The following CHRM3 variants were observed in gnomAD, a reference collection of about 807,000 sequenced individuals.
The protein encoded by CHRM3 is muscarinic acetylcholine receptor M3.
In CHRM3, 11 loss-of-function variants were observed where a neutral mutation model predicts 41.8. The ratio of observed to expected loss-of-function variants is 0.26; its 90% CI spans 0.17 to 0.44. The LOEUF (loss-of-function observed/expected upper bound fraction) is 0.44, where lower values mean the gene tolerates loss of function less well. CHRM3 is among the 20% of genes least tolerant of loss of function. The probability of loss-of-function intolerance (pLI) is 1.00; values close to 1 mark genes in which losing one functional copy is unlikely to be tolerated. For missense variants in CHRM3, 571 were observed against 745.4 expected (o/e 0.77, Z 2.72); for synonymous variants, 297 against 301.4 (o/e 0.99, Z 0.15).
At chr1:239,709,386 AC>A in intron 5 of CHRM3, among the ~76,000 whole-genome samples, 1 of 152,298 alleles carries the variant, frequency 6.6e-6, no homozygotes, top group East Asian at 1.9e-4. Context: ...CATACTCTTG[AC>A]AATCACTCAT....
intron 5 of CHRM3, among the ~76,000 whole-genome samples, chr1:239,789,117 G>T (rs1205563628): frequency 6.6e-6 from 1 of 152,132 alleles, no homozygotes; most frequent in Non-Finnish European, 1.5e-5. Flanking sequence ...CACACTAAAG[G>T]TGTCTTCGTT....
At chr1:239,881,115 CTACAAAAAA>C (rs1274969589) in intron 6 of CHRM3, among the ~76,000 whole-genome samples, 4 of 151,650 alleles carry the variant, frequency 2.6e-5, no homozygotes, top group East Asian at 2.0e-4. Context: ...AACCCCGTCT[CTACAAAAAA>C]TACAAAAAAT....
At chr1:239,674,492 G>T (rs918710534) in intron 4 of CHRM3, among the ~76,000 whole-genome samples, 1 of 151,924 alleles carries the variant, frequency 6.6e-6, no homozygotes, top group Non-Finnish European at 1.5e-5. Flanking sequence ...GGGGGATCAC[G>T]AGGTCATGAG....
intron 2 of CHRM3, among the ~76,000 whole-genome samples, chr1:239,545,109 T>G (rs1299940375): frequency 6.6e-6 from 1 of 152,218 alleles, no homozygotes; most frequent in Non-Finnish European, 1.5e-5. Context: ...TTGGTTTTCT[T>G]ATTGATAAGC....
intron 1 of CHRM3, among the ~76,000 whole-genome samples, chr1:239,457,466 C>T (rs568259909): frequency 1.1e-4 from 17 of 152,260 alleles, no homozygotes; most frequent in Non-Finnish European, 1.9e-4. Context: ...AGAGCTCCAA[C>T]TATGTCCTTC....
chr1:239,676,666 G>A (rs1658032022), intron 4 of CHRM3, among the ~76,000 whole-genome samples: 1 of 152,162 alleles, frequency 6.6e-6, no homozygotes, highest in Admixed American at 6.5e-5. Context: ...CTACTCCAAG[G>A]CTGCACAAAT....
chr1:239,602,090 A>ACATACATATATACATATGTGTGTGTGTG (rs1553337602), intron 3 of CHRM3, among the ~76,000 whole-genome samples: 1 of 131,232 alleles, frequency 7.6e-6, no homozygotes, highest in Non-Finnish European at 1.5e-5. Flanking sequence ...ACATATATAC[A>ACATACATATATACATATGTGTGTGTGTG]TGTGTGTGTG....
intron 5 of CHRM3, among the ~76,000 whole-genome samples, chr1:239,804,321 T>C (rs1239729735): frequency 2.8e-5 from 4 of 142,726 alleles, no homozygotes; most frequent in African/African-American, 1.0e-4. Context: ...TCCCATTGTA[T>C]CCTCAAAGGT....
chr1:239,390,589 GC>G (rs1658941806), intron 1 of CHRM3, among the ~76,000 whole-genome samples: 2 of 150,228 alleles, frequency 1.3e-5, no homozygotes, highest in South Asian at 4.2e-4. Flanking sequence ...GGTATGAAAG[GC>G]TTCCCTCACT....
At chr1:239,627,643 G>A (rs1001750292) in intron 3 of CHRM3, among the ~76,000 whole-genome samples, 38 of 145,380 alleles carry the variant, frequency 2.6e-4, no homozygotes, top group Admixed American at 2.1e-3. Flanking sequence ...GCTGGTACCC[G>A]TTGTTCCTTT....
At chr1:239,571,598 G>C (rs891125570) in intron 3 of CHRM3, among the ~76,000 whole-genome samples, 2 of 152,098 alleles carry the variant, frequency 1.3e-5, no homozygotes, top group Non-Finnish European at 2.9e-5. Flanking sequence ...CCTTTTTCTG[G>C]GAGTAACATT....
At chr1:239,449,166 A>T (rs1053197426) in intron 1 of CHRM3, among the ~76,000 whole-genome samples, 6 of 152,212 alleles carry the variant, frequency 3.9e-5, no homozygotes, top group Non-Finnish European at 7.3e-5. Context: ...TTTACATTAC[A>T]GTAAGCTGTT....
chr1:239,809,192 T>C (rs1670913384), intron 5 of CHRM3, among the ~76,000 whole-genome samples: 1 of 151,722 alleles, frequency 6.6e-6, no homozygotes, highest in African/African-American at 2.4e-5. Flanking sequence ...GCTAGTTTTT[T>C]TGTATTTTTA....
Position 239,576,431 on chromosome 1 carries a change from C to T in CHRM3, c.-313+30682C>T, listed in dbSNP as rs190367220. Reference sequence around the variant, plus strand: ...GTATTAACTATTGAACAGTTTGGCTCATGAGTGAATATGAAATTTCAACAT... The same window carrying T: ...GTATTAACTATTGAACAGTTTGGCTTATGAGTGAATATGAAATTTCAACAT... On this transcript the variant is annotated intron_variant, in intron 3 of 6. Transcript: ENST00000676153. Among the ~76,000 whole-genome samples the T allele has an allele frequency of 1.0e-3, 159 of 152,220 alleles. 1 individual carries two copies. Among genetic ancestry groups the T allele is most frequent in the South Asian group, 2.3e-3 (11 of 4,818 alleles).
intron 5 of CHRM3, among the ~76,000 whole-genome samples, chr1:239,790,609 T>G (rs1477395081): frequency 2.0e-5 from 3 of 152,206 alleles, no homozygotes; most frequent in African/African-American, 4.8e-5. Context: ...TTACCCAGTC[T>G]TGGGTATGTC....
At chr1:239,866,138 G>A (rs1325163856) in intron 6 of CHRM3, among the ~76,000 whole-genome samples, 2 of 152,130 alleles carry the variant, frequency 1.3e-5, no homozygotes, top group Non-Finnish European at 2.9e-5. Flanking sequence ...AGCACTTTGG[G>A]AGGCCGGGGC....
chr1:239,579,634 G>C (rs953738383), intron 3 of CHRM3, among the ~76,000 whole-genome samples: 1 of 151,944 alleles, frequency 6.6e-6, no homozygotes, highest in Non-Finnish European at 1.5e-5. Context: ...TCACATGTGG[G>C]GTTTCTTATT....
chr1:239,866,691 G>T (rs948939812), intron 6 of CHRM3, among the ~76,000 whole-genome samples: 1 of 152,178 alleles, frequency 6.6e-6, no homozygotes, highest in African/African-American at 2.4e-5. Context: ...ATATTTTCAT[G>T]TATTCCTTTA....
intron 2 of CHRM3, among the ~76,000 whole-genome samples, chr1:239,529,605 G>A (rs1438947060): frequency 6.7e-5 from 4 of 59,496 alleles, no homozygotes; most frequent in Admixed American, 2.6e-4. Flanking sequence ...GAGAGACTCC[G>A]TCTCAAAAAA....
Sources: gnomAD v4.1 joint callset for allele counts (sites outside exome capture counted in the v4.1 genomes callset) on GRCh38, gnomAD v4.1.1 for gene constraint, MANE v1.5 for transcripts, NCBI Gene and HGNC (gene_info 2026-07-23, HGNC 2026-07-21) for gene names.